The following AKT2 variants were observed in gnomAD, a reference collection of about 807,000 sequenced individuals.
AKT2 encodes RAC-beta serine/threonine-protein kinase.
In AKT2, 16 loss-of-function variants were observed where a neutral mutation model predicts 58.6. That is an observed-to-expected ratio of 0.27 (90% CI 0.18 to 0.41). AKT2 has a LOEUF of 0.41. Ranked by LOEUF, AKT2 falls within the 10% of genes least tolerant of loss-of-function variation. The pLI, the probability that AKT2 is intolerant of heterozygous loss-of-function variation, is 1.00. For synonymous variants in AKT2, 253 were observed against 254.0 expected, an observed-to-expected ratio of 1.00 and a Z score of 0.04; for missense variants, 438 against 661.0, an observed-to-expected ratio of 0.66 and a Z score of 3.70.
chr19:40,274,642 C>T (rs982975434), intron 1 of AKT2: 1 of 229,296 alleles, frequency 4.4e-6, no homozygotes, highest in Non-Finnish European at 8.9e-6. Flanking sequence ...GAAGGGCGCA[C>T]TGAGGCAGCG....
rs1973657100 is a variant in AKT2 at position 40,230,703 on chromosome 19, T to C, written c.*3169A>G. 1 of 216,614 alleles carries C rather than the reference T, an allele frequency of 4.6e-6. No individual in the cohort carries two copies. The highest frequency in any genetic ancestry group is 2.3e-5 in the African/African-American group (1 of 44,014). 13.4% of individuals were successfully genotyped at this position (216,614 alleles called of 1,614,324 possible). ...ACTCCTGCTTTGCTGTCTTTTTTAA[T>C]AGCATGTATCATGTTTTTTTTTTTT... On this transcript the variant is annotated 3_prime_UTR_variant, in exon 14 of 14. Transcript: ENST00000392038.
rs543817898 is a variant in AKT2 at position 40,273,454 on chromosome 19, G to A, written c.-84-8103C>T. ...TTTTTACCTATTCTACCTCCTTGGT[G>A]AGAAGGTGGCACTGAAGAAACTTTT... On this transcript the variant is annotated intron_variant, in intron 1 of 13. Transcript: ENST00000392038. 25 of 149,414 alleles carry A rather than the reference G, an allele frequency of 1.7e-4. No individual in the cohort carries two copies. In the East Asian group the frequency reaches 2.5e-3, roughly 15 times the overall value. The allele number at this position is 149,414 out of a possible 1,614,324, so 9.3% of individuals were successfully genotyped here.
rs532596450 is a variant in AKT2, at chr19:40,243,072, G to A, written c.288-385C>T. 2.4e-4 allele frequency: 73 copies of A among 303,346 alleles called. No homozygotes were observed. The East Asian group carries it at 5.6e-3, about 23-fold the overall frequency. 18.8% of individuals were successfully genotyped at this position (303,346 alleles called of 1,614,324 possible). On this transcript the variant is annotated intron_variant, in intron 4 of 13. Transcript: ENST00000392038. ...CAGGAGAATTGCTTGAACCCGGGAG[G>A]CGGAGGGTGCAGTGAGCAGAGATCG...
chr19:40,254,389 G>A (rs1975383911), intron 4 of AKT2, among the ~76,000 whole-genome samples: 1 of 152,162 alleles, frequency 6.6e-6, no homozygotes, highest in Non-Finnish European at 1.5e-5. Flanking sequence ...TTAGCCAGAT[G>A]TGGTGGCACG....
chr19:40,271,918 C>G (rs2077223077), intron 1 of AKT2, among the ~76,000 whole-genome samples: 1 of 152,198 alleles, frequency 6.6e-6, no homozygotes, highest in Admixed American at 6.5e-5. Context: ...CAACCGCTGT[C>G]CTAAGTATGT....
At position 40,257,176 on chromosome 19, in the gene AKT2, G is replaced by C. The variant is rs934275264; in HGVS notation, c.47-122C>G. ...GGGGTACCACGGGGCGGGGAGGTGC[G>C]GGGGACACACGAGAATGCCTCTCCC... is the stretch of plus-strand genomic sequence containing the variant. On this transcript the variant is annotated intron_variant, in intron 2 of 13. Coordinates refer to ENST00000392038, the MANE Select transcript of AKT2 (RefSeq NM_001626.6). 7.6e-6 allele frequency: 10 copies of C among 1,314,328 alleles called. No individual in the cohort carries two copies. In the East Asian group the frequency reaches 1.9e-4, roughly 25 times the overall value. 81.4% of individuals were successfully genotyped at this position (1,314,328 alleles called of 1,614,324 possible).
chr19:40,285,125 G>T (rs541648886), intron 1 of AKT2, 56 bp downstream of exon 1: 2 of 391,436 alleles, frequency 5.1e-6, no homozygotes, highest in Non-Finnish European at 9.0e-6. Context: ...ACCGCGGGGG[G>T]CCCGGACGCG....
At position 40,242,365 on chromosome 19, in the gene AKT2, T is replaced by C. The variant is rs906332856; in HGVS notation, c.441+169A>G. The stretch of plus-strand genomic sequence containing the variant: ...AAGGTTGCTCCCTCCCCTACGGGCA[T>C]GGAGCACACCCTAGGGCACCTGCCA... On this transcript the variant is annotated intron_variant, in intron 5 of 13. Coordinates refer to ENST00000392038, the MANE Select transcript of AKT2 (RefSeq NM_001626.6). This position sits in a 1 kb window ranked among gnomAD's most constrained non-coding sequence, Gnocchi z 4.3. 2 of 1,117,970 alleles carry C rather than the reference T, an allele frequency of 1.8e-6. No homozygotes were observed. The highest frequency in any genetic ancestry group is 1.5e-5 in the African/African-American group (1 of 65,560). The allele number at this position is 1,117,970 out of a possible 1,614,324, so 69.3% of individuals were successfully genotyped here. A position where few individuals can be genotyped will look rare whatever the true frequency, so the allele number is the denominator to read the frequency against.
intron 6 of AKT2, chr19:40,241,661 C>A (rs758798990): frequency 2.1e-5 from 10 of 481,314 alleles, no homozygotes; most frequent in African/African-American, 3.9e-5. Flanking sequence ...CCCAACAGGC[C>A]CCAGCCTCCC....
At chr19:40,274,179 A>G (rs112532588) in intron 1 of AKT2, 4 of 152,478 alleles carry the variant, frequency 2.6e-5, no homozygotes, top group Admixed American at 1.3e-4. Context: ...CTGCATGACT[A>G]TGTGGGTAAT....
At chr19:40,267,895 C>G (rs1409815382) in intron 1 of AKT2, among the ~76,000 whole-genome samples, 1 of 152,172 alleles carries the variant, frequency 6.6e-6, no homozygotes, top group East Asian at 1.9e-4. Context: ...AGGATGTTAG[C>G]TTGGTGTGCG....
In AKT2 at chr19:40,235,058, T is replaced by C. The variant is rs995975966; in HGVS notation, c.1353A>G (p.Thr451=). The change falls in exon 13 of 14, where the codon ACA becomes ACG. Residue 451 remains threonine, a synonymous_variant. Transcript: ENST00000392038. The surrounding 1 kb of genome is among the most constrained non-coding windows in gnomAD (Gnocchi z 6.3). ...CCAGGCACTCACAGCGGTCAGGGGG[T>C]GTGATTGTGATGGACTGGGCGGTAA... is the stretch of plus-strand genomic sequence containing the variant. ...DEFTAQSITI[T]PPDRYDSLGL... 3.7e-6 allele frequency: 6 copies of C among 1,612,796 alleles called. No individual in the cohort carries two copies. In the African/African-American group the frequency reaches 6.7e-5, roughly 18 times the overall value.
intron 4 of AKT2, among the ~76,000 whole-genome samples, chr19:40,249,148 T>C (rs1974961679): frequency 6.6e-6 from 1 of 152,122 alleles, no homozygotes; most frequent in Admixed American, 6.5e-5. Context: ...ATCTGGGTCT[T>C]ATCCTCAGCA....
intron 2 of AKT2, among the ~76,000 whole-genome samples, chr19:40,258,098 T>C (rs1975671644): frequency 6.6e-6 from 1 of 151,304 alleles, no homozygotes; most frequent in Non-Finnish European, 1.5e-5. Flanking sequence ...AATACAAAAT[T>C]AGCCAGGCAT....
chr19:40,240,385 T>A, intron 6 of AKT2: 1 of 656,630 alleles, frequency 1.5e-6, no homozygotes, highest in South Asian at 1.5e-5. Context: ...GTGACGTCCC[T>A]GCAAGGGAGA....
In AKT2 at chr19:40,237,950, C is replaced by T. The variant is rs777733397; in HGVS notation, c.831+19G>A. 9 of 1,611,538 alleles carry T rather than the reference C, an allele frequency of 5.6e-6. No homozygotes were observed. The highest frequency in any genetic ancestry group is 4.2e-6 in the Non-Finnish European group (5 of 1,179,284). On this transcript the variant is annotated intron_variant, in intron 9 of 13. Transcript: ENST00000392038. This position sits in a 1 kb window ranked among gnomAD's most constrained non-coding sequence, Gnocchi z 4.5. The stretch of plus-strand genomic sequence containing the variant: ...GTGTGCATGCCACAGGTCAGCCTGG[C>T]GCACACCCTGCCACTAACCTTGATG...
At chr19:40,275,875 T>G (rs2145417200) in intron 1 of AKT2, among the ~76,000 whole-genome samples, 1 of 145,576 alleles carries the variant, frequency 6.9e-6, no homozygotes, top group African/African-American at 2.5e-5. Flanking sequence ...TAGCCAGGCG[T>G]GGTGGTAGGC....
At chr19:40,252,455 TA>T (rs1975227358) in intron 4 of AKT2, among the ~76,000 whole-genome samples, 3 of 152,202 alleles carry the variant, frequency 2.0e-5, no homozygotes. Context: ...TCCTGCCTAC[TA>T]AAACACCTTG....
intron 2 of AKT2, among the ~76,000 whole-genome samples, chr19:40,260,169 C>T (rs1473805744): frequency 6.6e-6 from 1 of 150,958 alleles, no homozygotes; most frequent in Non-Finnish European, 1.5e-5. Flanking sequence ...CAAAACAAAA[C>T]AAAAACAAAA....
Sources: gnomAD v4.1 joint callset for allele counts (sites outside exome capture counted in the v4.1 genomes callset) on GRCh38, gnomAD v4.1.1 for gene constraint, Gnocchi (gnomAD v3.1) non-coding constraint, MANE v1.5 for transcripts, NCBI Gene and HGNC (gene_info 2026-07-23, HGNC 2026-07-21) for gene names.